The following LRBA variants were observed in gnomAD, a reference collection of about 807,000 sequenced individuals.
LRBA encodes lipopolysaccharide-responsive and beige-like anchor protein.
A neutral mutation model predicts 330.0 loss-of-function variants in LRBA; 176 were observed. The ratio of observed to expected loss-of-function variants is 0.53; its 90% CI spans 0.47 to 0.60. LRBA has a LOEUF of 0.60. Ranked by LOEUF, LRBA falls within the 20% of genes least tolerant of loss-of-function variation. The probability of loss-of-function intolerance (pLI) is 0.00; values close to 1 mark genes in which losing one functional copy is unlikely to be tolerated. For synonymous variants in LRBA, 1,230 were observed against 1,193.0 expected (o/e 1.03, Z -0.64); for missense variants, 3,259 against 3,444.8 (o/e 0.95, Z 1.35).
chr4:150,766,337 C>A (rs1032248167), intron 34 of LRBA, among the ~76,000 whole-genome samples: 8 of 151,894 alleles, frequency 5.3e-5, no homozygotes, highest in African/African-American at 1.9e-4. Flanking sequence ...ATACCAAATG[C>A]CAGATATACA....
At chr4:150,953,515 C>T (rs1180505291) in intron 2 of LRBA, among the ~76,000 whole-genome samples, 2 of 152,026 alleles carry the variant, frequency 1.3e-5, no homozygotes, top group Non-Finnish European at 2.9e-5. Flanking sequence ...AGGTGCGCAC[C>T]GCCACACCTG....
At chr4:150,696,061 C>T (rs987387549) in intron 36 of LRBA, among the ~76,000 whole-genome samples, 18 of 152,018 alleles carry the variant, frequency 1.2e-4, no homozygotes, top group Non-Finnish European at 2.6e-4. Context: ...AAAGTCCTAT[C>T]TTTACAAAAA....
At chr4:150,437,940 A>C (rs532263254) in intron 44 of LRBA, among the ~76,000 whole-genome samples, 1 of 152,296 alleles carries the variant, frequency 6.6e-6, no homozygotes, top group African/African-American at 2.4e-5. Context: ...TAATACACGA[A>C]CTCCATTAAA....
At chr4:150,571,649 GT>G (rs58652637) in intron 40 of LRBA, among the ~76,000 whole-genome samples, 1,653 of 74,574 alleles carry the variant, frequency 0.022, 7 homozygotes, top group East Asian at 0.054. Flanking sequence ...CTGGTTAGTT[GT>G]TTTTTTTTTT....
intron 2 of LRBA, among the ~76,000 whole-genome samples, chr4:150,961,595 A>G (rs1738154402): frequency 6.7e-6 from 1 of 149,534 alleles, no homozygotes; most frequent in Admixed American, 6.6e-5. Flanking sequence ...GGAGGATAGA[A>G]GAGAAGCAAG....
At chr4:150,692,983 A>T (rs1784274239) in intron 36 of LRBA, among the ~76,000 whole-genome samples, 1 of 152,226 alleles carries the variant, frequency 6.6e-6, no homozygotes, top group Non-Finnish European at 1.5e-5. Context: ...AAAGTGCATT[A>T]TTCATAATAG....
At chr4:150,523,217 C>T (rs1207690190) in intron 40 of LRBA, among the ~76,000 whole-genome samples, 1 of 152,122 alleles carries the variant, frequency 6.6e-6, no homozygotes, top group Admixed American at 6.5e-5. Flanking sequence ...GGTGGGAATG[C>T]TATAGTCTGA....
At chr4:150,302,585 A>G in intron 53 of LRBA, 40 bp downstream of exon 53, 1 of 1,495,290 alleles carries the variant, frequency 6.7e-7, no homozygotes, top group Non-Finnish European at 9.2e-7. Context: ...TATTCTCTAC[A>G]TCCTTGTAAA....
At chr4:150,759,123 C>T (rs567417699) in intron 35 of LRBA, among the ~76,000 whole-genome samples, 1 of 152,216 alleles carries the variant, frequency 6.6e-6, no homozygotes, top group South Asian at 2.1e-4. Flanking sequence ...ACCATGTTGC[C>T]CAGGCTGGTT....
rs1359119341 is a variant in LRBA at position 150,597,037 on chromosome 4, A to G, written c.6046+1970T>C. On this transcript the variant is annotated intron_variant, in intron 38 of 56. Coordinates refer to ENST00000651943, the MANE Select transcript of LRBA (RefSeq NM_001364905.1). ...AGTTTTGTTTTTAACATTTTGGAGT[A>G]TGACAATAATCATAAAATTACTATA... is the stretch of plus-strand genomic sequence containing the variant. 4.1e-6 allele frequency: 4 copies of G among 964,068 alleles called. No homozygotes were observed. In the African/African-American group the frequency reaches 5.0e-5, roughly 12 times the overall value. The allele number at this position is 964,068 out of a possible 1,614,324, so 59.7% of individuals were successfully genotyped here. A position where few individuals can be genotyped will look rare whatever the true frequency, so the allele number is the denominator to read the frequency against.
intron 54 of LRBA, among the ~76,000 whole-genome samples, chr4:150,284,591 G>C (rs533597180): frequency 3.9e-5 from 6 of 152,256 alleles, no homozygotes; most frequent in Admixed American, 1.3e-4. Context: ...CTGGAGTGCA[G>C]TGGCATGATC....
At chr4:150,940,382 A>T (rs572186274) in intron 2 of LRBA, among the ~76,000 whole-genome samples, 10 of 152,382 alleles carry the variant, frequency 6.6e-5, no homozygotes, top group African/African-American at 2.2e-4. Context: ...AGTCTGGGTG[A>T]CAGGGCAAGA....
intron 47 of LRBA, among the ~76,000 whole-genome samples, chr4:150,375,257 T>C (rs1265836513): frequency 6.6e-6 from 1 of 152,138 alleles, no homozygotes; most frequent in African/African-American, 2.4e-5. Flanking sequence ...TCCTGTCTCC[T>C]GTTTTTCATA....
At chr4:150,520,994 G>C (rs548060329) in intron 40 of LRBA, among the ~76,000 whole-genome samples, 2 of 152,148 alleles carry the variant, frequency 1.3e-5, no homozygotes, top group Admixed American at 1.3e-4. Flanking sequence ...ATAAGCTTTA[G>C]AAGTTTCTGT....
chr4:150,559,884 ATT>A (rs1768035041), intron 40 of LRBA, among the ~76,000 whole-genome samples: 2 of 16,038 alleles, frequency 1.2e-4, no homozygotes, highest in African/African-American at 1.6e-4. Flanking sequence ...ATTATATATA[ATT>A]ATATATAATT....
chr4:150,944,978 C>T (rs913388416), intron 2 of LRBA, among the ~76,000 whole-genome samples: 1 of 152,208 alleles, frequency 6.6e-6, no homozygotes, highest in East Asian at 1.9e-4. Flanking sequence ...CTTTGTTCCT[C>T]CTTCGCCTTC....
intron 41 of LRBA, among the ~76,000 whole-genome samples, chr4:150,489,406 ATAAGAATATAAAATATAT>A (rs1758496125): frequency 3.8e-5 from 2 of 52,632 alleles, no homozygotes; most frequent in South Asian, 6.2e-4. Context: ...TATATTATAT[ATAAGAATATAAAATATAT>A]TACATATAAG....
At chr4:150,824,940 A>C (rs1293712398) in intron 30 of LRBA, among the ~76,000 whole-genome samples, 1 of 151,870 alleles carries the variant, frequency 6.6e-6, no homozygotes, top group Non-Finnish European at 1.5e-5. Context: ...ATGCCCAGCT[A>C]ATCTTTTTGT....
At chr4:150,937,594 T>C (rs1025699928) in intron 2 of LRBA, among the ~76,000 whole-genome samples, 10 of 152,248 alleles carry the variant, frequency 6.6e-5, no homozygotes, top group African/African-American at 2.4e-4. Flanking sequence ...TCTCCTTTGC[T>C]ATATAGAACA....
Sources: gnomAD v4.1 joint callset for allele counts (sites outside exome capture counted in the v4.1 genomes callset) on GRCh38, gnomAD v4.1.1 for gene constraint, MANE v1.5 for transcripts, NCBI Gene and HGNC (gene_info 2026-07-23, HGNC 2026-07-21) for gene names.